INPP4B: variants seen among roughly 807,000 people sequenced by gnomAD.
INPP4B encodes inositol polyphosphate-4-phosphatase type II B.
INPP4B carries 55 observed loss-of-function variants against 122.5 expected under a neutral mutation model. The ratio of observed to expected loss-of-function variants is 0.45; its 90% confidence interval spans 0.36 to 0.56. The LOEUF (loss-of-function observed/expected upper bound fraction) is 0.56. Ranked by LOEUF, INPP4B falls within the 20% of genes least tolerant of loss-of-function variation. The probability of loss-of-function intolerance (pLI) is 0.00; values close to 1 mark genes in which losing one functional copy is unlikely to be tolerated. For synonymous variants in INPP4B, 403 were observed against 388.7 expected (o/e 1.04, Z -0.43); for missense variants, 1,000 against 1,097.7 (o/e 0.91, Z 1.26).
intron 16 of INPP4B, among the ~76,000 whole-genome samples, chr4:142,166,038 T>C (rs1822566707): frequency 6.6e-6 from 1 of 151,748 alleles, no homozygotes; most frequent in East Asian, 1.9e-4. Flanking sequence ...AGTATATTTT[T>C]AATTCTTTTG....
chr4:142,322,785 G>A (rs560285009), intron 7 of INPP4B, among the ~76,000 whole-genome samples: 6 of 152,156 alleles, frequency 3.9e-5, no homozygotes, highest in Admixed American at 1.3e-4. Flanking sequence ...CAGTAGAATC[G>A]CCTGTAACAT....
intron 7 of INPP4B, among the ~76,000 whole-genome samples, chr4:142,327,066 C>G (rs1458137368): frequency 6.6e-6 from 1 of 152,122 alleles, no homozygotes; most frequent in Non-Finnish European, 1.5e-5. Context: ...AAGCAAATAT[C>G]TATTAGCCTC....
intron 5 of INPP4B, among the ~76,000 whole-genome samples, chr4:142,415,254 T>A (rs530385113): frequency 1.4e-4 from 22 of 152,102 alleles, no homozygotes; most frequent in African/African-American, 4.6e-4. Context: ...ATGAGGCCAG[T>A]GTAGCTGGTG....
At position 142,305,636 on chromosome 4, in the gene INPP4B, A is replaced by G. The variant is rs1763062542; in HGVS notation, c.424-99T>C. On this transcript the variant is annotated intron_variant, in intron 8 of 25. Transcript: ENST00000262992. The stretch of plus-strand genomic sequence containing the variant: ...AAATGAGTCTTTAGAAGAATGAAAT[A>G]TTAAATCTATTAGCCTGACAAATAT... 3 of 1,492,770 alleles carry G rather than the reference A, an allele frequency of 2.0e-6. No individual in the cohort carries two copies. The African/African-American group carries it at 4.2e-5, about 21-fold the overall frequency. 92.5% of individuals were successfully genotyped at this position (1,492,770 alleles called of 1,614,324 possible).
chr4:142,305,837 A>G (rs1211711216), intron 8 of INPP4B: 10 of 1,128,696 alleles, frequency 8.9e-6, no homozygotes, highest in Non-Finnish European at 9.8e-6. Flanking sequence ...GCATATGAAA[A>G]CTGAAGGAAA....
intron 3 of INPP4B, among the ~76,000 whole-genome samples, chr4:142,437,053 T>C (rs180680095): frequency 2.5e-4 from 38 of 151,756 alleles, no homozygotes; most frequent in Non-Finnish European, 3.1e-4. Context: ...GAATAAACAG[T>C]TTAAAGAGGA....
Position 142,683,961 on chromosome 4 carries a change from G to A in INPP4B, c.-191+41878C>T, listed in dbSNP as rs147836593. Among the ~76,000 whole-genome samples the A allele has an allele frequency of 1.8e-3, 271 of 151,942 alleles. 2 individuals are homozygous for A. The highest frequency in any genetic ancestry group is 6.0e-3 in the African/African-American group (249 of 41,494). On this transcript the variant is annotated intron_variant, in intron 2 of 25. Transcript: ENST00000262992. The stretch of plus-strand genomic sequence containing the variant: ...GAGTGACAGGATTTTTGGATATTTC[G>A]GGCAAACATACAAAGGCAAAGGAGA...
chr4:142,431,340 G>T lies in INPP4B; in HGVS notation c.-81C>A. 1.1e-6 allele frequency: 1 copy of T among 936,986 alleles called. No homozygotes were observed. Among genetic ancestry groups the T allele is most frequent in the Non-Finnish European group, 1.7e-6 (1 of 579,590 alleles). The allele number at this position is 936,986 out of a possible 1,614,324, so 58.0% of individuals were successfully genotyped here. Reference sequence around the variant, plus strand: ...TAGTGATTCCTGGTTTAATGTAGATGTATCTTCACACTAAAGATCTGATAT... The same window carrying T: ...TAGTGATTCCTGGTTTAATGTAGATTTATCTTCACACTAAAGATCTGATAT... On this transcript the variant is annotated 5_prime_UTR_variant, in exon 4 of 26. Transcript: ENST00000262992.
chr4:142,074,311 AC>A (rs889213589), intron 25 of INPP4B, among the ~76,000 whole-genome samples: 5 of 152,104 alleles, frequency 3.3e-5, no homozygotes, highest in Non-Finnish European at 5.9e-5. Flanking sequence ...AAATGTTTAG[AC>A]AGATATTTAA....
intron 2 of INPP4B, among the ~76,000 whole-genome samples, chr4:142,725,387 T>TA (rs1278585578): frequency 6.6e-6 from 1 of 152,134 alleles, no homozygotes; most frequent in Non-Finnish European, 1.5e-5. Context: ...TAGAAATTCA[T>TA]ATTGAAATTT....
intron 2 of INPP4B, among the ~76,000 whole-genome samples, chr4:142,663,656 A>C (rs1580659451): frequency 6.6e-6 from 1 of 151,910 alleles, no homozygotes; most frequent in East Asian, 1.9e-4. Context: ...CTAAGTAATT[A>C]TGTGTAATAT....
At chr4:142,551,224 A>G (rs140812965) in intron 2 of INPP4B, among the ~76,000 whole-genome samples, 13 of 152,250 alleles carry the variant, frequency 8.5e-5, no homozygotes, top group Admixed American at 5.9e-4. Context: ...TACTCAATCC[A>G]TGTGTTTCTG....
chr4:142,498,095 TTGTG>T (rs745398059), intron 2 of INPP4B, among the ~76,000 whole-genome samples: 3 of 145,670 alleles, frequency 2.1e-5, no homozygotes, highest in Non-Finnish European at 3.0e-5. Flanking sequence ...GCAATGTATT[TTGTG>T]TGTGTGTGTG....
Position 142,553,247 on chromosome 4 carries a change from G to GCT in INPP4B, c.-190-90523_-190-90522dup, listed in dbSNP as rs139125594. 3.8e-3 allele frequency among the ~76,000 whole-genome samples: 572 copies of GCT among 152,136 alleles called. 6 individuals are homozygous for GCT. The highest frequency in any genetic ancestry group is 0.013 in the African/African-American group (543 of 41,488). On this transcript the variant is annotated intron_variant, in intron 2 of 25. Transcript: ENST00000262992. ...CTTCCAATAAACAATATTAACCACT[G>GCT]CTTTCATTTTCACCTCTACACAGAA...
chr4:142,221,296 A>G (rs1440457046), intron 12 of INPP4B, among the ~76,000 whole-genome samples: 1 of 145,718 alleles, frequency 6.9e-6, no homozygotes, highest in Non-Finnish European at 1.5e-5. Context: ...GCTATTCGGG[A>G]GACTGAGGCA....
At chr4:142,343,311 G>A (rs1206243486) in intron 7 of INPP4B, among the ~76,000 whole-genome samples, 1 of 151,978 alleles carries the variant, frequency 6.6e-6, no homozygotes, top group Non-Finnish European at 1.5e-5. Context: ...GGGGTCTCAA[G>A]GACTGAGTAG....
At chr4:142,241,316 G>A (rs1054525218) in intron 11 of INPP4B, among the ~76,000 whole-genome samples, 8 of 151,972 alleles carry the variant, frequency 5.3e-5, no homozygotes, top group African/African-American at 1.9e-4. Context: ...AGACATTTTG[G>A]ACCATATCAT....
chr4:142,465,590 T>C (rs1455091794), intron 2 of INPP4B, among the ~76,000 whole-genome samples: 1 of 152,196 alleles, frequency 6.6e-6, no homozygotes, highest in Non-Finnish European at 1.5e-5. Flanking sequence ...CTTTATTCTA[T>C]ATAGGTCAGT....
At chr4:142,235,627 G>A (rs1444701900) in intron 12 of INPP4B, among the ~76,000 whole-genome samples, 1 of 152,046 alleles carries the variant, frequency 6.6e-6, no homozygotes, top group Non-Finnish European at 1.5e-5. Flanking sequence ...AAGTTTCACT[G>A]TATTAGCCAG....
Sources: gnomAD v4.1 joint callset for allele counts (sites outside exome capture counted in the v4.1 genomes callset) on GRCh38, gnomAD v4.1.1 for gene constraint, MANE v1.5 for transcripts, NCBI Gene and HGNC (gene_info 2026-07-23, HGNC 2026-07-21) for gene names.